Variants in EXOC6 observed in about 807,000 individuals in gnomAD.
The protein encoded by EXOC6 is SEC15-like 1.
In EXOC6, 60 loss-of-function variants were observed where a neutral mutation model predicts 112.5. That is an observed-to-expected ratio of 0.53 (90% CI 0.43 to 0.66). EXOC6 has a LOEUF of 0.66. EXOC6 is among the 30% of genes least tolerant of loss of function. EXOC6 has a pLI of 0.00. For synonymous variants in EXOC6, 295 were observed against 308.0 expected (o/e 0.96, Z 0.44); for missense variants, 855 against 957.1 (o/e 0.89, Z 1.41).
chr10:92,861,837 A>G (rs1344918025), intron 1 of EXOC6, among the ~76,000 whole-genome samples: 1 of 152,252 alleles, frequency 6.6e-6, no homozygotes, highest in Non-Finnish European at 1.5e-5. Context: ...TGTTTTAAAA[A>G]AATAATTTTC....
intron 17 of EXOC6, among the ~76,000 whole-genome samples, chr10:92,959,400 A>G (rs1317883107): frequency 6.6e-6 from 1 of 152,218 alleles, no homozygotes; most frequent in Non-Finnish European, 1.5e-5. Context: ...TAAAACCCCT[A>G]GAAGATAACA....
intron 20 of EXOC6, among the ~76,000 whole-genome samples, chr10:93,040,556 G>A (rs972392290): frequency 6.6e-6 from 1 of 152,092 alleles, no homozygotes; most frequent in Admixed American, 6.6e-5. Context: ...CTGCTTTATC[G>A]TTTTCTTAGC....
At chr10:92,845,229 C>T (rs773472723), upstream of EXOC6, among the ~76,000 whole-genome samples, 8 of 152,282 alleles carry the variant, frequency 5.3e-5, 1 homozygote, top group Middle Eastern at 6.8e-3. Flanking sequence ...CCTGCTACTC[C>T]GCAACCTTCT....
At chr10:92,870,055 G>A (rs1425420467) in intron 1 of EXOC6, among the ~76,000 whole-genome samples, 1 of 148,628 alleles carries the variant, frequency 6.7e-6, no homozygotes, top group African/African-American at 2.5e-5. Flanking sequence ...GGGTTCAAGT[G>A]TTTCTCCTGC....
In EXOC6 at chr10:93,014,253, A is replaced by G. The variant is rs768818424; in HGVS notation, c.2155A>G (p.Ile719Val). ...FQGDTLQLAF[I>V]DLRQLLDLFM... ...GGGGGATACCCTGCAGCTAGCATTC[A>G]TTGACCTCAGACAAGTAAGATATAA... The change falls in exon 20 of 22, where the codon ATT (isoleucine) becomes GTT (valine). Residue 719 changes from isoleucine (I) to valine (V), a missense_variant. Physicochemically the swap from Ile to Val is conservative, Grantham distance 29. Around this residue, in one of 2 missense-constraint regions of EXOC6, gnomAD observed 450 missense variants for 563.5 expected, o/e 0.80. Coordinates refer to ENST00000260762, the MANE Select transcript of EXOC6 (RefSeq NM_019053.6). 6.2e-6 allele frequency: 10 copies of G among 1,613,056 alleles called. No individual in the cohort carries two copies. The highest frequency in any genetic ancestry group is 2.2e-5 in the East Asian group (1 of 44,846).
At chr10:92,892,824 G>T (rs1392138486) in intron 1 of EXOC6, among the ~76,000 whole-genome samples, 1 of 152,212 alleles carries the variant, frequency 6.6e-6, no homozygotes, top group Non-Finnish European at 1.5e-5. Flanking sequence ...GGACTATCAG[G>T]AGTCATATCC....
intron 20 of EXOC6, among the ~76,000 whole-genome samples, chr10:93,056,449 T>C (rs114907483): frequency 0.017 from 2,591 of 152,226 alleles, 67 homozygotes; most frequent in African/African-American, 0.058. Context: ...GAGCTTTTGG[T>C]TTAAATTACT....
chr10:92,955,439 A>G, intron 16 of EXOC6, 141 bp from the exon 17 acceptor site: 4 of 612,942 alleles, frequency 6.5e-6, no homozygotes, highest in Non-Finnish European at 1.1e-5. Context: ...CAGGCTTTTA[A>G]AATCAGATAG....
chr10:92,927,103 A>G (rs1439841982), intron 8 of EXOC6, among the ~76,000 whole-genome samples: 1 of 152,230 alleles, frequency 6.6e-6, no homozygotes, highest in East Asian at 1.9e-4. Context: ...TACTTTAGAC[A>G]GCACTAAGAA....
intron 1 of EXOC6, among the ~76,000 whole-genome samples, chr10:92,839,964 A>G (rs546092490): frequency 6.6e-6 from 1 of 152,324 alleles, no homozygotes; most frequent in East Asian, 1.9e-4. Context: ...TTATGATAAC[A>G]TAATTGTTTT....
intron 4 of EXOC6, among the ~76,000 whole-genome samples, chr10:92,895,237 T>C (rs757553979): frequency 1.3e-5 from 2 of 152,234 alleles, no homozygotes; most frequent in Non-Finnish European, 2.9e-5. Context: ...ATCAGTTTCC[T>C]AGAACAGCAA....
intron 18 of EXOC6, 24 bp downstream of exon 18, chr10:92,974,256 T>A (rs549128770): frequency 6.7e-7 from 1 of 1,482,770 alleles, no homozygotes; most frequent in East Asian, 2.4e-5. Flanking sequence ...TTTTCAAAAA[T>A]TGTTTTATGT....
intron 15 of EXOC6, among the ~76,000 whole-genome samples, chr10:92,954,157 G>T (rs1193024730): frequency 4.6e-5 from 7 of 152,112 alleles, no homozygotes; most frequent in African/African-American, 1.7e-4. Context: ...GCATGCATCT[G>T]TAGTCCCAGC....
At chr10:92,895,631 T>C (rs1338522121) in intron 4 of EXOC6, among the ~76,000 whole-genome samples, 1 of 152,128 alleles carries the variant, frequency 6.6e-6, no homozygotes, top group Non-Finnish European at 1.5e-5. Context: ...TTTAATATAC[T>C]TTAAGTTGGA....
At chr10:93,039,543 T>C (rs1359018501) in intron 20 of EXOC6, among the ~76,000 whole-genome samples, 7 of 152,220 alleles carry the variant, frequency 4.6e-5, no homozygotes, top group Admixed American at 4.6e-4. Flanking sequence ...GAGGCTTCTC[T>C]TCCCTTTTGA....
At chr10:92,871,170 GA>G (rs1312785401) in intron 1 of EXOC6, among the ~76,000 whole-genome samples, 1 of 152,036 alleles carries the variant, frequency 6.6e-6, no homozygotes, top group African/African-American at 2.4e-5. Flanking sequence ...GTGTTCTTTT[GA>G]AAAATTATCA....
chr10:92,930,766 GA>G (rs1013395938), intron 9 of EXOC6, among the ~76,000 whole-genome samples: 3 of 151,428 alleles, frequency 2.0e-5, no homozygotes, highest in Non-Finnish European at 4.4e-5. Flanking sequence ...AGCCATAAAA[GA>G]AAAAAAATAG....
At chr10:92,946,073 C>T (rs1485059763) in intron 13 of EXOC6, among the ~76,000 whole-genome samples, 2 of 151,512 alleles carry the variant, frequency 1.3e-5, no homozygotes, top group South Asian at 2.1e-4. Context: ...GGTGGATCAC[C>T]AGGTCAGGAG....
chr10:93,050,759 C>CAAAAAAA (rs58439083), intron 20 of EXOC6, among the ~76,000 whole-genome samples: 1,041 of 37,264 alleles, frequency 0.028, 277 homozygotes, highest in African/African-American at 0.1. Context: ...GACTCCGTCT[C>CAAAAAAA]AAAAAAAAAA....
Sources: gnomAD v4.1 joint callset for allele counts (sites outside exome capture counted in the v4.1 genomes callset) on GRCh38, gnomAD v4.1.1 for gene constraint, gnomAD v4.1.1 regional missense constraint, MANE v1.5 for transcripts, NCBI Gene and HGNC (gene_info 2026-07-23, HGNC 2026-07-21) for gene names.